The following NECAB1 variants were observed in gnomAD, a reference collection of about 807,000 sequenced individuals.
NECAB1 encodes the protein N-terminal EF-hand calcium binding protein 1.
In NECAB1, 29 loss-of-function variants were observed where a neutral mutation model predicts 57.5. The ratio of observed to expected loss-of-function variants is 0.50; its 90% CI spans 0.38 to 0.69. NECAB1 has a LOEUF of 0.69. NECAB1 is among the 30% of genes least tolerant of loss of function. NECAB1 has a pLI of 0.00. For missense variants in NECAB1, 372 were observed against 413.8 expected (o/e 0.90, Z 0.88); for synonymous variants, 142 against 147.7 (o/e 0.96, Z 0.28).
At chr8:90,945,070 T>C in intron 10 of NECAB1, among the ~76,000 whole-genome samples, 1 of 151,970 alleles carries the variant, frequency 6.6e-6, no homozygotes, top group South Asian at 2.1e-4. Context: ...GCTAATTTAT[T>C]TATTTTTTTT....
intron 3 of NECAB1, among the ~76,000 whole-genome samples, chr8:90,835,932 C>T (rs894904192): frequency 1.2e-4 from 18 of 152,126 alleles, no homozygotes; most frequent in African/African-American, 4.1e-4. Context: ...AAGAGTAATG[C>T]CATTAACAGA....
intron 2 of NECAB1, among the ~76,000 whole-genome samples, chr8:90,807,786 A>G (rs550625330): frequency 6.6e-6 from 1 of 151,104 alleles, no homozygotes; most frequent in East Asian, 2.0e-4. Context: ...TCATATGTTA[A>G]CTCTCAGGTA....
At chr8:90,849,069 A>G (rs1205344637) in intron 3 of NECAB1, among the ~76,000 whole-genome samples, 2 of 152,198 alleles carry the variant, frequency 1.3e-5, no homozygotes. Context: ...CCCATGACAT[A>G]TGGGGATTAT....
chr8:90,915,616 A>G lies in NECAB1; in HGVS notation c.358-1876A>G, dbSNP rs576792795. Among the ~76,000 whole-genome samples the G allele has an allele frequency of 4.6e-5, 7 of 152,304 alleles. No homozygotes were observed. The South Asian group carries it at 1.5e-3, about 32-fold the overall frequency. ...GACAGAAATAATAGGATAGATGTTTATATGAAGGGAGTTTATTAAGGATAA... is the reference window on the plus strand; with the variant it reads ...GACAGAAATAATAGGATAGATGTTTGTATGAAGGGAGTTTATTAAGGATAA... On this transcript the variant is annotated intron_variant, in intron 5 of 12. Transcript: ENST00000417640.
intron 3 of NECAB1, among the ~76,000 whole-genome samples, chr8:90,850,766 T>C (rs1013239141): frequency 1.3e-5 from 2 of 152,210 alleles, no homozygotes; most frequent in Middle Eastern, 3.2e-3. Context: ...ATAATTAAAA[T>C]ATATAGTTGA....
At chr8:90,880,433 G>C (rs1808815416) in intron 4 of NECAB1, among the ~76,000 whole-genome samples, 1 of 151,214 alleles carries the variant, frequency 6.6e-6, no homozygotes, top group South Asian at 2.1e-4. Flanking sequence ...ATCAGTTCAT[G>C]TTCCATACTT....
chr8:90,811,200 C>T (rs1315365059), intron 2 of NECAB1, among the ~76,000 whole-genome samples: 1 of 152,164 alleles, frequency 6.6e-6, no homozygotes, highest in Non-Finnish European at 1.5e-5. Flanking sequence ...ATCCACCTGC[C>T]TCGGCCTCCC....
chr8:90,811,108 C>T (rs550189356), intron 2 of NECAB1, among the ~76,000 whole-genome samples: 3 of 152,042 alleles, frequency 2.0e-5, no homozygotes, highest in Admixed American at 6.6e-5. Flanking sequence ...CCACCATGCC[C>T]GGCTAATTTT....
rs2631018 is a variant in NECAB1, at chr8:90,956,096, C to T, written c.*584C>T. On this transcript the variant is annotated 3_prime_UTR_variant, in exon 13 of 13. Coordinates refer to ENST00000417640, the MANE Select transcript of NECAB1 (RefSeq NM_022351.5). The stretch of plus-strand genomic sequence containing the variant: ...CTGTAACCTATAGAATCTCTATCCA[C>T]GTATCAGGTTATAGACTGGTTTTTC... 79,967 of 151,832 alleles carry T rather than the reference C, an allele frequency of 0.53. 24,462 individuals carry two copies. The highest frequency in any genetic ancestry group is 0.83 in the African/African-American group (34,258 of 41,466). 9.4% of individuals were successfully genotyped at this position (151,832 alleles called of 1,614,324 possible). A position where few individuals can be genotyped will look rare whatever the true frequency, so the allele number is the denominator to read the frequency against.
chr8:90,925,622 C>T lies in NECAB1; in HGVS notation c.582C>T (p.Ser194=). Residue 194 remains serine (S), a synonymous_variant, in exon 7 of 13, where the codon TCC becomes TCT. Transcript: ENST00000417640. ...GAGTCCAGAGACACAACAGCTTCTC[C>T]CCAAACAGCCCTCAGTTTAATGTCA... ...SRRVQRHNSF[S]PNSPQFNVSG... is the part of the protein sequence containing the mutation. 6.2e-7 allele frequency: 1 copy of T among 1,613,830 alleles called. No individual in the cohort carries two copies. Among genetic ancestry groups the T allele is most frequent in the Non-Finnish European group, 8.5e-7 (1 of 1,179,840 alleles).
At chr8:90,919,931 G>A (rs376969711) in intron 6 of NECAB1, among the ~76,000 whole-genome samples, 1 of 152,098 alleles carries the variant, frequency 6.6e-6, no homozygotes, top group African/African-American at 2.4e-5. Context: ...TTACCACCAT[G>A]CTGTGAATGT....
At chr8:90,893,762 T>C (rs902831951) in intron 5 of NECAB1, among the ~76,000 whole-genome samples, 1 of 152,140 alleles carries the variant, frequency 6.6e-6, no homozygotes, top group African/African-American at 2.4e-5. Flanking sequence ...ATGGAATTTA[T>C]GGCTAGCTGG....
chr8:90,883,987 T>C (rs1328699321), intron 5 of NECAB1, among the ~76,000 whole-genome samples: 1 of 152,166 alleles, frequency 6.6e-6, no homozygotes, highest in African/African-American at 2.4e-5. Context: ...TAAACACAAA[T>C]GGGATTCCCT....
intron 6 of NECAB1, among the ~76,000 whole-genome samples, chr8:90,920,459 G>A (rs1810079982): frequency 6.6e-6 from 1 of 152,182 alleles, no homozygotes; most frequent in South Asian, 2.1e-4. Context: ...AAAAGATAGA[G>A]AGAGAAAAAC....
rs761512372 is a variant in NECAB1, at chr8:90,958,303, C to T, written c.*2791C>T. 3 of 151,566 alleles carry T rather than the reference C, an allele frequency of 2.0e-5. No homozygotes were observed. The highest frequency in any genetic ancestry group is 3.0e-5 in the Non-Finnish European group (2 of 67,684). The allele number at this position is 151,566 out of a possible 1,614,324, so 9.4% of individuals were successfully genotyped here. The stretch of plus-strand genomic sequence containing the variant: ...TTACTTTGAAATTGCTCAACTTCTG[C>T]TATTCATATGGTCTGATTAGTGACA... On this transcript the variant is annotated 3_prime_UTR_variant, in exon 13 of 13. Transcript: ENST00000417640.
chr8:90,824,864 C>A, intron 3 of NECAB1, 39 bp downstream of exon 3: 1 of 1,067,958 alleles, frequency 9.4e-7, no homozygotes, highest in South Asian at 1.6e-5. Context: ...ACAAGTGAGG[C>A]ACAGAGAGCG....
chr8:90,802,184 A>C (rs921037803), intron 2 of NECAB1, among the ~76,000 whole-genome samples: 3 of 152,238 alleles, frequency 2.0e-5, no homozygotes, highest in African/African-American at 7.2e-5. Context: ...CTGTACTCCA[A>C]GAGGTCTGCC....
chr8:90,881,260 T>C (rs916204813), intron 5 of NECAB1, 130 bp downstream of exon 5: 28 of 644,440 alleles, frequency 4.3e-5, no homozygotes, highest in Admixed American at 8.7e-5. Flanking sequence ...TCATACTAAA[T>C]GAGCTATGTT....
intron 10 of NECAB1, 74 bp from the exon 11 acceptor site, chr8:90,949,733 A>G (rs1457482341): frequency 3.8e-6 from 3 of 789,066 alleles, no homozygotes; most frequent in East Asian, 2.7e-5. Flanking sequence ...TTCATACTAC[A>G]TATGGATATT....
Sources: allele counts gnomAD v4.1 joint callset (sites outside exome capture counted in the v4.1 genomes callset), GRCh38; gene constraint gnomAD v4.1.1; transcripts MANE v1.5; gene names NCBI Gene and HGNC (gene_info 2026-07-23, HGNC 2026-07-21).